The following MGST1 variants were observed in gnomAD, a reference collection of about 807,000 sequenced individuals.
The protein encoded by MGST1 is microsomal glutathione S-transferase 1, also known as glutathione S-transferase 12.
Under a neutral mutation model 8.9 loss-of-function variants are expected in MGST1, and 5 were observed. That is an observed-to-expected ratio of 0.56 (90% CI 0.29 to 1.19). The LOEUF is 1.19. Among genes scored for constraint, MGST1 ranks in the 50% most tolerant of loss-of-function variants. The pLI is 0.08. For missense variants in MGST1, 182 were observed against 187.4 expected, an observed-to-expected ratio of 0.97 and a Z score of 0.17; for synonymous variants, 54 against 67.8, an observed-to-expected ratio of 0.80 and a Z score of 1.00.
At chr12:16,501,391 C>T (rs1941505625) in intron 4 of MGST1, among the ~76,000 whole-genome samples, 1 of 152,122 alleles carries the variant, frequency 6.6e-6, no homozygotes, top group Admixed American at 6.6e-5. Flanking sequence ...TACATAAAAC[C>T]GCACACACAG....
intron 1 of MGST1, among the ~76,000 whole-genome samples, chr12:16,418,501 T>C (rs892662314): frequency 6.6e-6 from 1 of 152,182 alleles, no homozygotes; most frequent in Non-Finnish European, 1.5e-5. Context: ...TGATAAAAAA[T>C]TCACGTTTCA....
At chr12:16,477,855 A>G (rs1340736525) in intron 4 of MGST1, among the ~76,000 whole-genome samples, 1 of 152,194 alleles carries the variant, frequency 6.6e-6, no homozygotes, top group East Asian at 1.9e-4. Flanking sequence ...TTAACAGGTA[A>G]ATGTCTCACA....
In MGST1 at chr12:16,347,949, C is replaced by T. The variant is rs1034070290; in HGVS notation, c.-23+239C>T. 1.3e-5 allele frequency: 2 copies of T among 152,234 alleles called. No individual in the cohort carries two copies. Among genetic ancestry groups the T allele is most frequent in the Non-Finnish European group, 2.9e-5 (2 of 68,036 alleles). The allele number at this position is 152,234 out of a possible 1,614,324, so 9.4% of individuals were successfully genotyped here. ...CAGGAATGAAACGAGAGAGTCTTTT[C>T]ATGCTTGAGTGATGATTTCCAAACT... On this transcript the variant is annotated intron_variant, in intron 1 of 3. Transcript: ENST00000396210. This position sits in a 1 kb window ranked among gnomAD's most constrained non-coding sequence, Gnocchi z 4.0.
At chr12:16,421,472 G>T (rs1490894899) in intron 1 of MGST1, among the ~76,000 whole-genome samples, 1 of 152,146 alleles carries the variant, frequency 6.6e-6, no homozygotes, top group Admixed American at 6.5e-5. Flanking sequence ...CCCCAAATGG[G>T]ATCACTTCTA....
At position 16,498,100 on chromosome 12, in the gene MGST1, G is replaced by GTTATCATATCCAA. The variant is rs1941481528; in HGVS notation, n.483-91427_483-91426insTATCATATCCAAT. On this transcript the variant is annotated intron_variant and non_coding_transcript_variant, in intron 4 of 4. Transcript: ENST00000538857. ...TCATCTTCCATCATAACATATCATT[G>GTTATCATATCCAA]TGAAGGATTCCAATGTACTTTCAAA... 2.6e-5 allele frequency among the ~76,000 whole-genome samples: 4 copies of GTTATCATATCCAA among 152,216 alleles called. No individual in the cohort carries two copies. The South Asian group carries it at 8.3e-4, about 32-fold the overall frequency.
chr12:16,542,454 C>A (rs1389208255), intron 4 of MGST1, among the ~76,000 whole-genome samples: 1 of 152,188 alleles, frequency 6.6e-6, no homozygotes, highest in Non-Finnish European at 1.5e-5. Context: ...TCCAGGGAGT[C>A]ATCGAAGAAC....
In MGST1 at chr12:16,453,392, C is replaced by A. The variant is rs1301854814; in HGVS notation, n.482+69788C>A. Among the ~76,000 whole-genome samples, 5 of 151,914 alleles carry A rather than the reference C, an allele frequency of 3.3e-5. No individual in the cohort carries two copies. In the East Asian group the frequency reaches 9.7e-4, roughly 29 times the overall value. On this transcript the variant is annotated intron_variant and non_coding_transcript_variant, in intron 4 of 4. Transcript: ENST00000538857. The stretch of plus-strand genomic sequence containing the variant: ...TTTGATTGTTTCATATTTCAATCAG[C>A]AGCCTACTTAAAACAACAAGTCAAT...
chr12:16,392,983 C>T (rs547855856), intron 1 of MGST1, among the ~76,000 whole-genome samples: 1 of 152,262 alleles, frequency 6.6e-6, no homozygotes, highest in East Asian at 1.9e-4. Context: ...ACTCCCAGCT[C>T]AAGTTCCCCT....
chr12:16,500,548 C>G lies in MGST1; in HGVS notation n.483-88980C>G, dbSNP rs1429850169. The stretch of plus-strand genomic sequence containing the variant: ...ACTTATTTTGTGTGCCAGTCCTGTC[C>G]TTTGATGGTGGTGCTTACTCCCCTA... On this transcript the variant is annotated intron_variant and non_coding_transcript_variant, in intron 4 of 4. Coordinates refer to the MGST1 transcript ENST00000538857. The surrounding 1 kb of genome is among the most constrained non-coding windows in gnomAD (Gnocchi z 4.3). 6.6e-6 allele frequency among the ~76,000 whole-genome samples: 1 copy of G among 152,092 alleles called. No homozygotes were observed. The highest frequency in any genetic ancestry group is 2.1e-4 in the South Asian group (1 of 4,828).
At chr12:16,414,500 C>G (rs1034889087) in intron 1 of MGST1, among the ~76,000 whole-genome samples, 12 of 151,598 alleles carry the variant, frequency 7.9e-5, no homozygotes, top group African/African-American at 2.9e-4. Context: ...ACTGCAAGCT[C>G]CATCTCCCGG....
At chr12:16,468,627 A>G (rs1038908092) in intron 4 of MGST1, among the ~76,000 whole-genome samples, 1 of 152,192 alleles carries the variant, frequency 6.6e-6, no homozygotes, top group African/African-American at 2.4e-5. Context: ...TTGTGGGTAA[A>G]ACGTATATAT....
chr12:16,354,219 A>G lies in MGST1; in HGVS notation c.-22-12A>G. 1 of 1,553,764 alleles carries G rather than the reference A, an allele frequency of 6.4e-7. No homozygotes were observed. Among genetic ancestry groups the G allele is most frequent in the Non-Finnish European group, 8.7e-7 (1 of 1,153,510 alleles). ...TGTCTGCTTTTTCCCATTTTATTTA[A>G]ATCTTTTTAAGATTCCAGACCAAAA... On this transcript the variant is annotated splice_polypyrimidine_tract_variant and intron_variant, in intron 1 of 3. Transcript: ENST00000396210.
At chr12:16,367,065 A>T (rs989115386), downstream of MGST1, among the ~76,000 whole-genome samples, 2 of 152,200 alleles carry the variant, frequency 1.3e-5, no homozygotes, top group Admixed American at 6.5e-5. Flanking sequence ...AATAGGTGGG[A>T]CATCTGTAAG....
rs9332927 is a variant in MGST1, at chr12:16,360,161, T to C, written c.221+2462T>C. 1.0e-4 allele frequency: 17 copies of C among 163,546 alleles called. No individual in the cohort carries two copies. In the South Asian group the frequency reaches 3.4e-3, roughly 32 times the overall value. 10.1% of individuals were successfully genotyped at this position (163,546 alleles called of 1,614,324 possible). A position where few individuals can be genotyped will look rare whatever the true frequency, so the allele number is the denominator to read the frequency against. On this transcript the variant is annotated intron_variant, in intron 3 of 3. Coordinates refer to ENST00000396210, the MANE Select transcript of MGST1 (RefSeq NM_020300.5). ...GCGGAGTTTCCAGTTGTATAATGCTTTTTGAGACAGTACCTGTTTCATCGA... is the reference window on the plus strand; with the variant it reads ...GCGGAGTTTCCAGTTGTATAATGCTCTTTGAGACAGTACCTGTTTCATCGA...
Position 16,537,360 on chromosome 12 carries a change from C to T in MGST1, n.483-52168C>T, listed in dbSNP as rs1941762269. On this transcript the variant is annotated intron_variant and non_coding_transcript_variant, in intron 4 of 4. Transcript: ENST00000538857. This position sits in a 1 kb window ranked among gnomAD's most constrained non-coding sequence, Gnocchi z 4.6. The stretch of plus-strand genomic sequence containing the variant: ...CCCCTCTCCTGGCTGCTTTCATGGG[C>T]TGGTTTTGAGTATCTGTGGCTTTTC... Among the ~76,000 whole-genome samples, 1 of 152,144 alleles carries T rather than the reference C, an allele frequency of 6.6e-6. No homozygotes were observed. The highest frequency in any genetic ancestry group is 2.4e-5 in the African/African-American group (1 of 41,434).
chr12:16,380,660 T>G (rs1324191551), downstream of MGST1, among the ~76,000 whole-genome samples: 3 of 152,160 alleles, frequency 2.0e-5, no homozygotes, highest in East Asian at 5.8e-4. Flanking sequence ...CTATTAGGTC[T>G]GCTTGGTGCA....
chr12:16,540,307 G>C (rs1056791657), intron 4 of MGST1, among the ~76,000 whole-genome samples: 4 of 152,118 alleles, frequency 2.6e-5, no homozygotes, highest in Non-Finnish European at 4.4e-5. Flanking sequence ...GGGTCTTGCT[G>C]TGTTACCCAG....
In MGST1 at chr12:16,547,545, A is replaced by T. The variant is rs554801814; in HGVS notation, n.483-41983A>T. 6.6e-6 allele frequency among the ~76,000 whole-genome samples: 1 copy of T among 152,142 alleles called. No homozygotes were observed. Among genetic ancestry groups the T allele is most frequent in the Non-Finnish European group, 1.5e-5 (1 of 68,022 alleles). ...GCACAAACCAGTGCAAAGACATGTT[A>T]AAGTTATTTGATCTAGGCCAACCCT... On this transcript the variant is annotated intron_variant and non_coding_transcript_variant, in intron 4 of 4. Coordinates refer to the MGST1 transcript ENST00000538857. The surrounding 1 kb of genome is among the most constrained non-coding windows in gnomAD (Gnocchi z 4.6).
downstream of MGST1, among the ~76,000 whole-genome samples, chr12:16,380,763 A>C (rs1226631266): frequency 1.3e-5 from 2 of 152,020 alleles, no homozygotes; most frequent in African/African-American, 4.8e-5. Flanking sequence ...TCCCATTATT[A>C]TTGTGTGGGA....
Sources: allele counts gnomAD v4.1 joint callset (sites outside exome capture counted in the v4.1 genomes callset), GRCh38; gene constraint gnomAD v4.1.1; non-coding constraint Gnocchi (gnomAD v3.1); transcripts MANE v1.5; gene names NCBI Gene and HGNC (gene_info 2026-07-23, HGNC 2026-07-21).